The following STARD9 variants were observed in gnomAD, a reference collection of about 807,000 sequenced individuals.
STARD9 encodes StAR related lipid transfer domain containing 9, also known as stAR-related lipid transfer protein 9.
In STARD9, 346 loss-of-function variants were observed where a neutral mutation model predicts 399.8. The ratio of observed to expected loss-of-function variants is 0.87; its 90% CI spans 0.79 to 0.95. The LOEUF is 0.95. STARD9 is among the 40% of genes least tolerant of loss of function. STARD9 has a pLI of 0.00. For synonymous variants in STARD9, 2,203 were observed against 2,143.5 expected (o/e 1.03, Z -0.77); for missense variants, 5,832 against 5,667.5 (o/e 1.03, Z -0.93).
In STARD9 at chr15:42,692,354, C is replaced by A; in HGVS notation, c.10776C>A (p.Gly3592=). Residue 3592 remains glycine (G), a synonymous_variant, in exon 23 of 33, where the codon GGC becomes GGA. Transcript: ENST00000290607. The part of the protein sequence containing the change: ...SGHDRRPQFR[G]PSGEADCLRS... ...ATGACAGAAGGCCTCAGTTCAGGGG[C>A]CCTTCTGGTGAAGCAGACTGTCTGA... 6.5e-7 allele frequency: 1 copy of A among 1,537,018 alleles called. No individual in the cohort carries two copies. Among genetic ancestry groups the A allele is most frequent in the Admixed American group, 2.0e-5 (1 of 51,004 alleles).
In STARD9 at chr15:42,686,415, G is replaced by T. The variant is rs768752872; in HGVS notation, c.4837G>T (p.Ala1613Ser). Residue 1613 changes from alanine (A) to serine (S), a missense_variant, in exon 23 of 33, where the codon GCG (alanine) becomes TCG (serine). Physicochemically the swap from Ala to Ser is moderately conservative, Grantham distance 99. Around this residue, in one of 2 missense-constraint regions of STARD9, gnomAD observed 5,828 missense variants for 5,651.1 expected, o/e 1.03. Coordinates refer to ENST00000290607, the MANE Select transcript of STARD9 (RefSeq NM_020759.3). ...TNAQVFATEN[A>S]IPDSMTEACE... is the part of the protein sequence containing the mutation. ...TGCACAGGTCTTTGCAACAGAGAAC[G>T]CGATACCAGATTCCATGACAGAAGC... 3.9e-6 allele frequency: 6 copies of T among 1,537,630 alleles called. No individual in the cohort carries two copies. Among genetic ancestry groups the T allele is most frequent in the East Asian group, 2.4e-5 (1 of 40,938 alleles).
At chr15:42,613,988 G>A (rs184468812) in intron 3 of STARD9, among the ~76,000 whole-genome samples, 93 of 151,684 alleles carry the variant, frequency 6.1e-4, no homozygotes, top group African/African-American at 2.1e-3. Flanking sequence ...AAAGAATGAG[G>A]ACATCTGAAT....
At chr15:42,673,424 C>T (rs538618360) in intron 16 of STARD9, among the ~76,000 whole-genome samples, 1 of 152,044 alleles carries the variant, frequency 6.6e-6, no homozygotes, top group African/African-American at 2.4e-5. Flanking sequence ...ACAAAATAAA[C>T]AAAAAGACAT....
rs542927420 is a variant in STARD9, at chr15:42,679,715, A to G, written c.1875-1707A>G. 6.1e-4 allele frequency among the ~76,000 whole-genome samples: 93 copies of G among 152,294 alleles called. 1 individual carries two copies. The highest frequency in any genetic ancestry group is 1.1e-3 in the Admixed American group (17 of 15,292). On this transcript the variant is annotated intron_variant, in intron 20 of 32. Coordinates refer to ENST00000290607, the MANE Select transcript of STARD9 (RefSeq NM_020759.3). The stretch of plus-strand genomic sequence containing the variant: ...ATATGGTCTGTGCTGCAACTACTCA[A>G]TTTTGCCAGGGTGGTGCAAAAGCAG...
intron 3 of STARD9, among the ~76,000 whole-genome samples, chr15:42,610,969 T>A (rs1298625045): frequency 6.6e-6 from 1 of 152,232 alleles, no homozygotes; most frequent in Non-Finnish European, 1.5e-5. Context: ...TGTACTTTCA[T>A]TTTATTTTCA....
chr15:42,599,501 A>G (rs1566863144), intron 3 of STARD9, among the ~76,000 whole-genome samples: 1 of 152,176 alleles, frequency 6.6e-6, no homozygotes, highest in Non-Finnish European at 1.5e-5. Context: ...CGTACAAAAT[A>G]CTGCTTGTTC....
chr15:42,594,717 G>A (rs941170528), intron 3 of STARD9, among the ~76,000 whole-genome samples: 2 of 152,128 alleles, frequency 1.3e-5, no homozygotes. Flanking sequence ...TATTCTAATG[G>A]TAGGGGCCAT....
chr15:42,610,026 G>C (rs532551612), intron 3 of STARD9, among the ~76,000 whole-genome samples: 42 of 152,222 alleles, frequency 2.8e-4, no homozygotes, highest in African/African-American at 1.0e-3. Context: ...GCAGGAGGTG[G>C]AGGTTGCAGT....
chr15:42,601,574 G>A (rs1433089047), intron 3 of STARD9, among the ~76,000 whole-genome samples: 1 of 149,932 alleles, frequency 6.7e-6, no homozygotes, highest in African/African-American at 2.4e-5. Context: ...GCTGGGCGGG[G>A]GCTGCCCCCC....
In STARD9 at chr15:42,685,424, A is replaced by G. The variant is rs1403031764; in HGVS notation, c.3846A>G (p.Gln1282=). 5.2e-6 allele frequency: 8 copies of G among 1,535,504 alleles called. No individual in the cohort carries two copies. The highest frequency in any genetic ancestry group is 3.9e-5 in the Admixed American group (2 of 50,846). The change falls in exon 23 of 33, where the codon CAA becomes CAG. Residue 1282 remains glutamine, a synonymous_variant. Transcript: ENST00000290607. ...SSSFYLDPQF[Q]PHCELQPHCE... ...CGTTTTACCTTGATCCTCAGTTCCA[A>G]CCCCATTGTGAGCTCCAACCCCATT... is the stretch of plus-strand genomic sequence containing the variant.
rs1160858279 is a variant in STARD9, at chr15:42,682,401, T to C, written c.2363T>C (p.Leu788Pro). 6.5e-7 allele frequency: 1 copy of C among 1,537,120 alleles called. No individual in the cohort carries two copies. Among genetic ancestry groups the C allele is most frequent in the Admixed American group, 2.0e-5 (1 of 50,980 alleles). Residue 788 changes from leucine (L) to proline (P), a missense_variant, in exon 22 of 33, where the codon CTG becomes CCG. Leu to Pro is a moderately conservative substitution (Grantham distance 98). Transcript: ENST00000290607. ...AGGCTGCTGGAGGCCCAGAAGAGAC[T>C]GGAGAAGCTCACGACATTGTGCTGG... ...KQRLLEAQKR[L>P]EKLTTLCWLQ...
intron 6 of STARD9, 135 bp downstream of exon 6, chr15:42,638,222 T>A: frequency 2.6e-6 from 2 of 781,918 alleles, no homozygotes; most frequent in Non-Finnish European, 4.1e-6. Context: ...TATCTTGCAG[T>A]ACAAGAGCTG....
intron 3 of STARD9, among the ~76,000 whole-genome samples, chr15:42,614,051 G>A (rs1002522563): frequency 9.9e-5 from 15 of 151,996 alleles, no homozygotes; most frequent in African/African-American, 3.6e-4. Context: ...GGTGTCTCAT[G>A]CCTGTAATTC....
chr15:42,681,312 T>A, intron 20 of STARD9, 110 bp from the exon 21 acceptor site: 1 of 1,158,054 alleles, frequency 8.6e-7, no homozygotes, highest in African/African-American at 1.6e-5. Context: ...CAAAGCACTC[T>A]CTACCCTGTT....
Position 42,665,222 on chromosome 15 carries a change from A to G in STARD9, c.1177-31A>G, listed in dbSNP as rs1396505409. Reference sequence around the variant, plus strand: ...CACAGCTGAGTGGGACTTGATAACAATCAGTGGTGATGGAGTTCTCTGTGT... The same window carrying G: ...CACAGCTGAGTGGGACTTGATAACAGTCAGTGGTGATGGAGTTCTCTGTGT... On this transcript the variant is annotated intron_variant, in intron 13 of 32. Coordinates refer to ENST00000290607, the MANE Select transcript of STARD9 (RefSeq NM_020759.3). 8.6e-6 allele frequency: 13 copies of G among 1,507,302 alleles called. No individual in the cohort carries two copies. In the Admixed American group the frequency reaches 9.8e-5, roughly 11 times the overall value. The allele number at this position is 1,507,302 out of a possible 1,614,324, so 93.4% of individuals were successfully genotyped here.
At chr15:42,700,466 G>T (rs2060942283) in intron 26 of STARD9, among the ~76,000 whole-genome samples, 1 of 152,076 alleles carries the variant, frequency 6.6e-6, no homozygotes, top group Non-Finnish European at 1.5e-5. Flanking sequence ...TTTTATTATA[G>T]TCATTTAGAT....
intron 3 of STARD9, among the ~76,000 whole-genome samples, chr15:42,593,116 G>A (rs919308421): frequency 1.3e-5 from 2 of 152,122 alleles, no homozygotes; most frequent in African/African-American, 4.8e-5. Flanking sequence ...GGTCCCTGCC[G>A]TGATTACCAT....
chr15:42,705,807 C>CA (rs2061064033), intron 26 of STARD9, among the ~76,000 whole-genome samples: 1 of 151,952 alleles, frequency 6.6e-6, no homozygotes, highest in Non-Finnish European at 1.5e-5. Flanking sequence ...GGCTGGAGTG[C>CA]AGGGGCGTGA....
intron 3 of STARD9, among the ~76,000 whole-genome samples, chr15:42,627,576 C>A (rs865819320): frequency 5.9e-5 from 9 of 152,276 alleles, no homozygotes; most frequent in South Asian, 2.1e-4. Flanking sequence ...ACCCATTAAC[C>A]ATCCCCCTTT....
Sources: gnomAD v4.1 joint callset for allele counts (sites outside exome capture counted in the v4.1 genomes callset) on GRCh38, gnomAD v4.1.1 for gene constraint, gnomAD v4.1.1 regional missense constraint, MANE v1.5 for transcripts, NCBI Gene and HGNC (gene_info 2026-07-23, HGNC 2026-07-21) for gene names.